Variants in GLDC observed in about 807,000 individuals in gnomAD.
The protein encoded by GLDC is glycine dehydrogenase (decarboxylating), mitochondrial.
A neutral mutation model predicts 121.3 loss-of-function variants in GLDC; 104 were observed. That is an observed-to-expected ratio of 0.86 (90% CI 0.73 to 1.01). The LOEUF (loss-of-function observed/expected upper bound fraction) is 1.01. Among genes scored for constraint, GLDC ranks in the 50% least tolerant of loss-of-function variants. The probability of loss-of-function intolerance (pLI) is 0.00; values close to 1 mark genes in which losing one functional copy is unlikely to be tolerated. For synonymous variants in GLDC, 546 were observed against 480.6 expected (o/e 1.14, Z -1.78); for missense variants, 1,429 against 1,306.6 (o/e 1.09, Z -1.44).
chr9:6,603,247 A>C (rs1166002205), intron 7 of GLDC, among the ~76,000 whole-genome samples: 1 of 151,438 alleles, frequency 6.6e-6, no homozygotes, highest in Non-Finnish European at 1.5e-5. Flanking sequence ...AAAAAAAAAA[A>C]CAAATCACAC....
At chr9:6,555,463 T>A (rs1817604911) in intron 18 of GLDC, among the ~76,000 whole-genome samples, 1 of 150,538 alleles carries the variant, frequency 6.6e-6, no homozygotes, top group African/African-American at 2.5e-5. Context: ...AGAAAGGCTC[T>A]AAAATGGTAG....
chr9:6,563,253 T>G (rs963639209), intron 16 of GLDC, among the ~76,000 whole-genome samples: 1 of 152,248 alleles, frequency 6.6e-6, no homozygotes, highest in Non-Finnish European at 1.5e-5. Flanking sequence ...AGCTACTTCC[T>G]GGTGTCAGAT....
chr9:6,622,159 G>GACACACAC (rs60752054), intron 2 of GLDC, among the ~76,000 whole-genome samples: 2,204 of 145,396 alleles, frequency 0.015, 50 homozygotes, highest in African/African-American at 0.048. Context: ...CACACACACA[G>GACACACAC]ACACACACAC....
At chr9:6,560,496 A>G (rs1295687666) in intron 16 of GLDC, among the ~76,000 whole-genome samples, 1 of 152,144 alleles carries the variant, frequency 6.6e-6, no homozygotes, top group Non-Finnish European at 1.5e-5. Context: ...TCCCTTTTGT[A>G]GTTAATTTTT....
At chr9:6,591,986 C>T in intron 11 of GLDC, 157 bp downstream of exon 11, 1 of 674,440 alleles carries the variant, frequency 1.5e-6, no homozygotes. Context: ...CTCCAGCTGT[C>T]AGCAGTGACT....
At chr9:6,640,661 A>G (rs150431913) in intron 2 of GLDC, among the ~76,000 whole-genome samples, 3 of 152,320 alleles carry the variant, frequency 2.0e-5, no homozygotes, top group African/African-American at 7.2e-5. Context: ...TCCACAAGCA[A>G]TGTGCAATTT....
At chr9:6,577,258 C>G (rs532914273) in intron 15 of GLDC, among the ~76,000 whole-genome samples, 8 of 152,206 alleles carry the variant, frequency 5.3e-5, no homozygotes, top group Non-Finnish European at 8.8e-5. Flanking sequence ...TATTCTGAGT[C>G]CACTTGATGT....
Position 6,645,506 on chromosome 9 carries a change from GGCCACCGTCCCCT to G in GLDC, c.-20_-8del. 7.6e-7 allele frequency: 1 copy of G among 1,320,176 alleles called. No individual in the cohort carries two copies. The highest frequency in any genetic ancestry group is 9.7e-7 in the Non-Finnish European group (1 of 1,029,126). The allele number at this position is 1,320,176 out of a possible 1,614,324, so 81.8% of individuals were successfully genotyped here. A position where few individuals can be genotyped will look rare whatever the true frequency, so the allele number is the denominator to read the frequency against. On this transcript the variant is annotated 5_prime_UTR_variant, in exon 1 of 25. Coordinates refer to ENST00000321612, the MANE Select transcript of GLDC (RefSeq NM_000170.3). ...CCCTGGCACAGGACTGCATGGCCGCGGCCACCGTCCCCTGCCCCGGCCCGCAAGGGTCAGCCGC... is the reference window on the plus strand; with the variant it reads ...CCCTGGCACAGGACTGCATGGCCGCGGCCCCGGCCCGCAAGGGTCAGCCGC...
chr9:6,554,929 T>TGA (rs1817589327), intron 18 of GLDC, 148 bp from the exon 19 acceptor site: 1 of 708,868 alleles, frequency 1.4e-6, no homozygotes, highest in Admixed American at 2.0e-5. Context: ...ATGTCCTCTA[T>TGA]ACTGGCCCAG....
intron 8 of GLDC, among the ~76,000 whole-genome samples, chr9:6,597,602 G>A (rs552178441): frequency 2.6e-5 from 4 of 152,130 alleles, no homozygotes; most frequent in Admixed American, 2.6e-4. Flanking sequence ...AATAAGAAAA[G>A]CCAATGAAAG....
intron 3 of GLDC, among the ~76,000 whole-genome samples, chr9:6,615,231 T>C (rs1818944569): frequency 6.6e-6 from 1 of 152,140 alleles, no homozygotes. Flanking sequence ...TATTTTGAAT[T>C]CATAAGACAT....
Position 6,550,798 on chromosome 9 carries a change from C to A in GLDC, c.2569+5G>T. 3.2e-6 allele frequency: 5 copies of A among 1,585,120 alleles called. No individual in the cohort carries two copies. The highest frequency in any genetic ancestry group is 4.3e-6 in the Non-Finnish European group (5 of 1,153,510). On this transcript the variant is annotated splice_donor_5th_base_variant and intron_variant, in intron 21 of 24. Coordinates refer to ENST00000321612, the MANE Select transcript of GLDC (RefSeq NM_000170.3). ...AAGTAATGATAGATTAAAGTTGATA[C>A]TTGCCTCTTGCACCCCTGAAAAGAA... is the stretch of plus-strand genomic sequence containing the variant.
chr9:6,618,359 G>A (rs1024233747), intron 3 of GLDC, among the ~76,000 whole-genome samples: 3 of 152,166 alleles, frequency 2.0e-5, no homozygotes, highest in African/African-American at 7.2e-5. Context: ...CCAGGCTGGA[G>A]TGCAATGCTG....
At chr9:6,543,056 T>G (rs1221430467) in intron 21 of GLDC, among the ~76,000 whole-genome samples, 1 of 150,580 alleles carries the variant, frequency 6.6e-6, no homozygotes. Context: ...AGCTGAGGAT[T>G]GCTTGAGCTT....
chr9:6,566,406 ACT>A, intron 15 of GLDC: 1 of 152,094 alleles, frequency 6.6e-6, no homozygotes, highest in Middle Eastern at 3.4e-3. Flanking sequence ...ACAAATCATC[ACT>A]CTATAATTTC....
In GLDC at chr9:6,570,883, G is replaced by A. The variant is rs541636112; in HGVS notation, c.1851-5454C>T. ...AAAAAAAAAAAAAAAAGTTTCTCGG[G>A]GTATGTTTTTAAAAAAAATATTTTA... On this transcript the variant is annotated intron_variant, in intron 15 of 24. Transcript: ENST00000321612. Among the ~76,000 whole-genome samples, 278 of 150,608 alleles carry A rather than the reference G, an allele frequency of 1.8e-3. 2 individuals are homozygous for A. Among genetic ancestry groups the A allele is most frequent in the Middle Eastern group, 0.017 (5 of 292 alleles).
At chr9:6,582,807 C>T (rs959730756) in intron 15 of GLDC, among the ~76,000 whole-genome samples, 15 of 148,898 alleles carry the variant, frequency 1.0e-4, no homozygotes, top group Middle Eastern at 7.0e-3. Context: ...CCAGTCTGGG[C>T]GACAGAGCGA....
intron 22 of GLDC, among the ~76,000 whole-genome samples, chr9:6,536,737 T>G (rs1817136728): frequency 6.6e-6 from 1 of 152,174 alleles, no homozygotes; most frequent in Non-Finnish European, 1.5e-5. Context: ...ATGTATTATG[T>G]GCAATTAAGA....
rs114816601 is a variant in GLDC, at chr9:6,538,379, G to C, written c.2665+1672C>G. 9.1e-3 allele frequency among the ~76,000 whole-genome samples: 1,392 copies of C among 152,294 alleles called. 20 individuals are homozygous for C. Among genetic ancestry groups the C allele is most frequent in the African/African-American group, 0.032 (1,325 of 41,556 alleles). The stretch of plus-strand genomic sequence containing the variant: ...CTGGAACTGCTGGGTAAGGCAGTAT[G>C]CCCCAAAATTGCCTGAAAAGACTCA... On this transcript the variant is annotated intron_variant, in intron 22 of 24. Coordinates refer to ENST00000321612, the MANE Select transcript of GLDC (RefSeq NM_000170.3).
Sources: gnomAD v4.1 joint callset for allele counts (sites outside exome capture counted in the v4.1 genomes callset) on GRCh38, gnomAD v4.1.1 for gene constraint, MANE v1.5 for transcripts, NCBI Gene and HGNC (gene_info 2026-07-23, HGNC 2026-07-21) for gene names.